The following CADM2 variants were observed in gnomAD, a reference collection of about 807,000 sequenced individuals.
CADM2 encodes the protein immunoglobulin superfamily member 4D.
CADM2 carries 12 observed loss-of-function variants against 49.8 expected under a neutral mutation model. That is an observed-to-expected ratio of 0.24 (90% CI 0.15 to 0.39). The LOEUF is 0.39. Ranked by LOEUF, CADM2 falls within the 10% of genes least tolerant of loss-of-function variation. CADM2 has a pLI of 1.00. For synonymous variants in CADM2, 214 were observed against 175.4 expected, an observed-to-expected ratio of 1.22 and a Z score of -1.74; for missense variants, 378 against 492.3, an observed-to-expected ratio of 0.77 and a Z score of 2.20.
In CADM2 at chr3:85,912,363, T is replaced by G. The variant is rs374780088; in HGVS notation, c.530-10T>G. 83 of 1,590,486 alleles carry G rather than the reference T, an allele frequency of 5.2e-5. No homozygotes were observed. The highest frequency in any genetic ancestry group is 6.8e-5 in the Admixed American group (4 of 58,536). On this transcript the variant is annotated splice_polypyrimidine_tract_variant and intron_variant, in intron 5 of 9. Coordinates refer to ENST00000383699, the MANE Select transcript of CADM2 (RefSeq NM_001167675.2). ...GGTGTCACATTTTAAAATTCATATT[T>G]TATTTTCAGATGTAAAATATTTAAA...
intron 1 of CADM2, among the ~76,000 whole-genome samples, chr3:85,555,443 C>T (rs981419675): frequency 2.0e-5 from 3 of 152,168 alleles, no homozygotes; most frequent in South Asian, 2.1e-4. Context: ...GGAAAAGAAG[C>T]TGGGTATATA....
chr3:85,191,607 A>G (rs2041209824), intron 1 of CADM2, among the ~76,000 whole-genome samples: 5 of 152,112 alleles, frequency 3.3e-5, no homozygotes, highest in African/African-American at 7.2e-5. Flanking sequence ...CACAGTGTCT[A>G]ATGTAAACCA....
At position 86,028,223 on chromosome 3, in the gene CADM2, C is replaced by CAA. The variant is rs371077792; in HGVS notation, c.971-37369_971-37368dup. ...TAATAAATAAATAAAAAAAAGAAGTCAAAAAAAAAAAAAAGAAAATTCTCA... is the reference window on the plus strand; with the variant it reads ...TAATAAATAAATAAAAAAAAGAAGTCAAAAAAAAAAAAAAAAGAAAATTCTCA... On this transcript the variant is annotated intron_variant, in intron 8 of 9. Transcript: ENST00000383699. 8.9e-3 allele frequency among the ~76,000 whole-genome samples: 1,028 copies of CAA among 116,076 alleles called. 15 individuals carry two copies. The highest frequency in any genetic ancestry group is 0.028 in the African/African-American group (878 of 31,400). 76.2% of individuals were successfully genotyped at this position (116,076 alleles called of 152,430 possible).
chr3:85,112,023 C>G (rs967595413), intron 1 of CADM2, among the ~76,000 whole-genome samples: 1 of 151,846 alleles, frequency 6.6e-6, no homozygotes, highest in Non-Finnish European at 1.5e-5. Context: ...CTAAGTACAA[C>G]GTCTTCTATT....
intron 1 of CADM2, among the ~76,000 whole-genome samples, chr3:85,198,301 T>C (rs920060808): frequency 6.6e-5 from 10 of 151,876 alleles, no homozygotes; most frequent in Admixed American, 2.0e-4. Flanking sequence ...TATTCATATA[T>C]AATTTTTAGC....
intron 5 of CADM2, among the ~76,000 whole-genome samples, chr3:85,905,687 C>T (rs1012401041): frequency 2.0e-5 from 3 of 152,050 alleles, no homozygotes; most frequent in African/African-American, 7.2e-5. Context: ...AAGGAAATAA[C>T]AAAGTTAAAA....
intron 1 of CADM2, among the ~76,000 whole-genome samples, chr3:85,394,305 T>A (rs530231404): frequency 1.6e-3 from 247 of 152,244 alleles, no homozygotes; most frequent in Non-Finnish European, 1.4e-3. Flanking sequence ...AATAAATGCA[T>A]AATTAAAATA....
intron 5 of CADM2, among the ~76,000 whole-genome samples, chr3:85,907,382 G>T (rs1716941220): frequency 6.6e-6 from 1 of 152,136 alleles, no homozygotes; most frequent in African/African-American, 2.4e-5. Flanking sequence ...ATGCTGTTTT[G>T]CTCATGGTCA....
chr3:85,478,197 T>A lies in CADM2; in HGVS notation c.62-248325T>A, dbSNP rs981635018. Among the ~76,000 whole-genome samples the A allele has an allele frequency of 7.9e-5, 12 of 152,008 alleles. No homozygotes were observed. The East Asian group carries it at 2.3e-3, about 29-fold the overall frequency. ...ACAGCATAATACGTGGTAGTCCAAATGCAAGATTTCCATATAATCTAAAGT... is the reference window on the plus strand; with the variant it reads ...ACAGCATAATACGTGGTAGTCCAAAAGCAAGATTTCCATATAATCTAAAGT... On this transcript the variant is annotated intron_variant, in intron 1 of 9. Coordinates refer to ENST00000383699, the MANE Select transcript of CADM2 (RefSeq NM_001167675.2).
chr3:85,220,185 T>C (rs1167114467), intron 1 of CADM2, among the ~76,000 whole-genome samples: 1 of 152,084 alleles, frequency 6.6e-6, no homozygotes, highest in Non-Finnish European at 1.5e-5. Context: ...GTTGTTGTTG[T>C]TGCTGTTAAG....
At chr3:85,632,993 C>T (rs2064357441) in intron 1 of CADM2, among the ~76,000 whole-genome samples, 1 of 151,942 alleles carries the variant, frequency 6.6e-6, no homozygotes, top group African/African-American at 2.4e-5. Context: ...ATTCATATCA[C>T]GATGCTTAGA....
At chr3:85,114,034 C>A (rs1395286286) in intron 1 of CADM2, among the ~76,000 whole-genome samples, 1 of 151,872 alleles carries the variant, frequency 6.6e-6, no homozygotes, top group Admixed American at 6.6e-5. Context: ...TTTGTGTGAC[C>A]TTGTTATTTT....
chr3:85,335,052 TA>T lies in CADM2; in HGVS notation c.61+375393del, dbSNP rs578262009. ...ATATTTCTAGGTTGTGAAGATATACTAAAAAAAAAGATACTAAGTAAATAAA... is the reference window on the plus strand; with the variant it reads ...ATATTTCTAGGTTGTGAAGATATACTAAAAAAAAGATACTAAGTAAATAAA... On this transcript the variant is annotated intron_variant, in intron 1 of 9. Coordinates refer to ENST00000383699, the MANE Select transcript of CADM2 (RefSeq NM_001167675.2). 2.2e-3 allele frequency among the ~76,000 whole-genome samples: 335 copies of T among 150,294 alleles called. No homozygotes were observed. In the Middle Eastern group the frequency reaches 0.024, roughly 11 times the overall value.
At chr3:85,599,066 C>T (rs1311946786) in intron 1 of CADM2, among the ~76,000 whole-genome samples, 1 of 151,856 alleles carries the variant, frequency 6.6e-6, no homozygotes, top group East Asian at 1.9e-4. Context: ...GAACTATTGT[C>T]TCTAGATTTC....
intron 3 of CADM2, among the ~76,000 whole-genome samples, chr3:85,863,157 A>AT (rs1474607612): frequency 6.6e-6 from 1 of 152,172 alleles, no homozygotes; most frequent in African/African-American, 2.4e-5. Flanking sequence ...AGATGAAAGC[A>AT]TTTTATAAGC....
intron 8 of CADM2, among the ~76,000 whole-genome samples, chr3:86,019,409 G>A (rs1182698835): frequency 6.6e-6 from 1 of 150,476 alleles, no homozygotes; most frequent in Non-Finnish European, 1.5e-5. Context: ...TTCCAATTCT[G>A]TGAAGAAAGG....
chr3:85,306,307 A>G (rs572765955), intron 1 of CADM2, among the ~76,000 whole-genome samples: 1 of 151,736 alleles, frequency 6.6e-6, no homozygotes, highest in East Asian at 1.9e-4. Context: ...TTAAGAATTG[A>G]TTTTTGACTG....
At chr3:85,357,983 A>G (rs553732168) in intron 1 of CADM2, among the ~76,000 whole-genome samples, 2 of 152,200 alleles carry the variant, frequency 1.3e-5, no homozygotes, top group South Asian at 4.1e-4. Context: ...TTCACAGTAG[A>G]TTGCATGGCC....
intron 1 of CADM2, among the ~76,000 whole-genome samples, chr3:85,677,918 T>A (rs532842387): frequency 6.0e-4 from 91 of 152,362 alleles, no homozygotes; most frequent in African/African-American, 2.0e-3. Flanking sequence ...GGATTCCTTC[T>A]AACTTTGATA....
Sources: allele counts gnomAD v4.1 joint callset (sites outside exome capture counted in the v4.1 genomes callset), GRCh38; gene constraint gnomAD v4.1.1; transcripts MANE v1.5; gene names NCBI Gene and HGNC (gene_info 2026-07-23, HGNC 2026-07-21).